The following PCDHA2 variants were observed in gnomAD, a reference collection of about 807,000 sequenced individuals.
The protein encoded by PCDHA2 is protocadherin alpha 2, also known as protocadherin alpha-2.
PCDHA2 carries 58 observed loss-of-function variants against 66.0 expected under a neutral mutation model. The ratio of observed to expected loss-of-function variants is 0.88; its 90% CI spans 0.71 to 1.09. The LOEUF (loss-of-function observed/expected upper bound fraction) is 1.09. PCDHA2 is among the 50% of genes least tolerant of loss of function. The pLI is 0.00. For missense variants in PCDHA2, 1,267 were observed against 1,242.3 expected (o/e 1.02, Z -0.30); for synonymous variants, 634 against 554.0 (o/e 1.14, Z -2.03).
Position 140,835,881 on chromosome 5 carries a change from G to A in PCDHA2, c.2388+38529G>A, listed in dbSNP as rs200873751. 135 of 1,612,004 alleles carry A rather than the reference G, an allele frequency of 8.4e-5. 2 individuals are homozygous for A. Among genetic ancestry groups the A allele is most frequent in the Non-Finnish European group, 1.1e-4 (125 of 1,179,638 alleles). ...CTACTCGCTGGTGGAGCTGCGGGTG[G>A]GCGAGCGCGCGCTGTCGAGCTACGT... On this transcript the variant is annotated intron_variant, in intron 1 of 3. Transcript: ENST00000526136.
At position 140,823,889 on chromosome 5, in the gene PCDHA2, C is replaced by G. The variant is rs2150130096; in HGVS notation, c.2388+26537C>G. ...GTGTACCTGATCATCGCCATCTGTGCGGTGTCCAGCCTGCTGGTGCTCACG... is the reference window on the plus strand; with the variant it reads ...GTGTACCTGATCATCGCCATCTGTGGGGTGTCCAGCCTGCTGGTGCTCACG... On this transcript the variant is annotated intron_variant, in intron 1 of 3. Coordinates refer to ENST00000526136, the MANE Select transcript of PCDHA2 (RefSeq NM_018905.3). 20 of 1,613,944 alleles carry G rather than the reference C, an allele frequency of 1.2e-5. No individual in the cohort carries two copies. The highest frequency in any genetic ancestry group is 1.5e-5 in the Non-Finnish European group (18 of 1,179,938).
chr5:141,002,806 G>T (rs1341419225), intron 3 of PCDHA2, among the ~76,000 whole-genome samples: 1 of 152,162 alleles, frequency 6.6e-6, no homozygotes, highest in Non-Finnish European at 1.5e-5. Context: ...GGAAACTGAG[G>T]CTCAGAGATA....
rs1165097192 is a variant in PCDHA2, at chr5:140,945,230, A to G, written c.2389-33719A>G. Among the ~76,000 whole-genome samples the G allele has an allele frequency of 2.6e-5, 4 of 152,290 alleles. No individual in the cohort carries two copies. In the East Asian group the frequency reaches 7.7e-4, roughly 29 times the overall value. On this transcript the variant is annotated intron_variant, in intron 1 of 3. Transcript: ENST00000526136. ...TATGAGAAAATAAAAATACTTAGGA[A>G]TAAATTTAACCAAGAGGATGAAAGA...
chr5:140,974,680 T>C (rs2096636478), intron 1 of PCDHA2, among the ~76,000 whole-genome samples: 1 of 152,074 alleles, frequency 6.6e-6, no homozygotes, highest in African/African-American at 2.4e-5. Flanking sequence ...CCTGGCTAAT[T>C]TTGTATTTTT....
rs963313279 is a variant in PCDHA2, at chr5:140,848,520, C to A, written c.2388+51168C>A. On this transcript the variant is annotated intron_variant, in intron 1 of 3. Coordinates refer to ENST00000526136, the MANE Select transcript of PCDHA2 (RefSeq NM_018905.3). Reference sequence around the variant, plus strand: ...AATGTTATACTCAAGTCGAGGAGATCCAGAGGGTCAGCCTCTACTGCTCTC... The same window carrying A: ...AATGTTATACTCAAGTCGAGGAGATACAGAGGGTCAGCCTCTACTGCTCTC... The A allele has an allele frequency of 3.1e-6, 5 of 1,592,812 alleles. 1 individual carries two copies. The Admixed American group carries it at 5.1e-5, about 16-fold the overall frequency.
At chr5:140,809,718 T>A in intron 1 of PCDHA2, 2 of 935,756 alleles carry the variant, frequency 2.1e-6, no homozygotes, top group Non-Finnish European at 3.1e-6. Flanking sequence ...CTTTTGGAAT[T>A]ATAGGACATC....
At position 140,999,623 on chromosome 5, in the gene PCDHA2, A is replaced by G. The variant is rs188539860; in HGVS notation, c.2537-10004A>G. ...CCTGGGGGACCTTATCAACCAGGAAACAAGGTAGAGAAAACTGTGCAGCCT... is the reference window on the plus strand; with the variant it reads ...CCTGGGGGACCTTATCAACCAGGAAGCAAGGTAGAGAAAACTGTGCAGCCT... On this transcript the variant is annotated intron_variant, in intron 3 of 3. Transcript: ENST00000526136. Among the ~76,000 whole-genome samples the G allele has an allele frequency of 1.3e-4, 20 of 152,330 alleles. No individual in the cohort carries two copies. In the East Asian group the frequency reaches 3.9e-3, roughly 29 times the overall value.
intron 1 of PCDHA2, chr5:140,807,964 A>G: frequency 1.2e-6 from 2 of 1,614,042 alleles, no homozygotes; most frequent in Non-Finnish European, 8.5e-7. Flanking sequence ...CTAATGGAAC[A>G]TTGGTAATTA....
intron 1 of PCDHA2, chr5:140,926,696 C>A: frequency 1.3e-6 from 1 of 771,792 alleles, no homozygotes; most frequent in Non-Finnish European, 1.9e-6. Context: ...GCAAGCCCGG[C>A]TCCCAGCTGG....
intron 1 of PCDHA2, chr5:140,877,047 C>A (rs372059660): frequency 3.3e-5 from 53 of 1,612,564 alleles, no homozygotes; most frequent in Non-Finnish European, 4.3e-5. Flanking sequence ...CGCTAGACCA[C>A]GAGGAGCTGG....
intron 1 of PCDHA2, chr5:140,883,443 A>AT (rs1554178222): frequency 6.2e-7 from 1 of 1,614,136 alleles, no homozygotes; most frequent in Admixed American, 1.7e-5. Flanking sequence ...TTGACGCCGC[A>AT]TGTCCCCTTC....
At chr5:140,807,199 C>T (rs1554123792) in intron 1 of PCDHA2, 1 of 1,613,498 alleles carries the variant, frequency 6.2e-7, no homozygotes, top group Non-Finnish European at 8.5e-7. Flanking sequence ...TGGAGTTTTC[C>T]TGGGGAAGCG....
chr5:140,803,454 C>T (rs1554122835), intron 1 of PCDHA2: 4 of 1,614,114 alleles, frequency 2.5e-6, no homozygotes, highest in African/African-American at 1.3e-5. Flanking sequence ...ATACTCGCAG[C>T]AGAGGCAGCA....
intron 1 of PCDHA2, chr5:140,857,094 T>G (rs781941290): frequency 4.4e-6 from 7 of 1,596,938 alleles, no homozygotes; most frequent in Non-Finnish European, 6.0e-6. Flanking sequence ...TCACCTGAGG[T>G]GATTGTCACT....
At chr5:140,801,196 C>T (rs782169201) in intron 1 of PCDHA2, 2 of 1,589,684 alleles carry the variant, frequency 1.3e-6, no homozygotes, top group South Asian at 2.3e-5. Flanking sequence ...AAAATACTTG[C>T]AATGTTGTTC....
At chr5:140,879,084 G>T (rs927310887) in intron 1 of PCDHA2, among the ~76,000 whole-genome samples, 1 of 152,174 alleles carries the variant, frequency 6.6e-6, no homozygotes, top group Non-Finnish European at 1.5e-5. Flanking sequence ...AGATAAGTAG[G>T]AACAACTGCA....
chr5:140,986,236 T>C (rs1213371307), intron 3 of PCDHA2, among the ~76,000 whole-genome samples: 1 of 152,170 alleles, frequency 6.6e-6, no homozygotes. Flanking sequence ...CCCCTCTGTG[T>C]GAGCAGACCC....
chr5:140,822,864 A>T lies in PCDHA2; in HGVS notation c.2388+25512A>T, dbSNP rs2150119903. ...TCCTGCCTGTCAAAGAGGACGCTCC[A>T]CTCAGCACGGTCATTGCTCTGATCA... is the stretch of plus-strand genomic sequence containing the variant. On this transcript the variant is annotated intron_variant, in intron 1 of 3. Transcript: ENST00000526136. The T allele has an allele frequency of 6.2e-6, 10 of 1,614,160 alleles. No homozygotes were observed. In the East Asian group the frequency reaches 1.6e-4, roughly 25 times the overall value.
At chr5:140,925,854 G>C (rs1333353083) in intron 1 of PCDHA2, among the ~76,000 whole-genome samples, 1 of 152,014 alleles carries the variant, frequency 6.6e-6, no homozygotes, top group African/African-American at 2.4e-5. Flanking sequence ...TGAGTTTCTA[G>C]TTATTGCTAT....
Sources: allele counts gnomAD v4.1 joint callset (sites outside exome capture counted in the v4.1 genomes callset), GRCh38; gene constraint gnomAD v4.1.1; transcripts MANE v1.5; gene names NCBI Gene and HGNC (gene_info 2026-07-23, HGNC 2026-07-21).